Variants in PLCH1 observed in about 807,000 individuals in gnomAD.
The protein encoded by PLCH1 is phospholipase C eta 1.
PLCH1 carries 60 observed loss-of-function variants against 126.7 expected under a neutral mutation model. The observed-to-expected ratio is 0.47, with a 90% CI of 0.38 to 0.59. The LOEUF is 0.59. PLCH1 is among the 20% of genes least tolerant of loss of function. PLCH1 has a pLI of 0.00. For missense variants in PLCH1, 1,723 were observed against 2,040.0 expected (o/e 0.84, Z 2.99); for synonymous variants, 719 against 734.9 (o/e 0.98, Z 0.35).
intron 11 of PLCH1, among the ~76,000 whole-genome samples, chr3:155,521,411 T>C (rs888783843): frequency 2.0e-5 from 3 of 152,368 alleles, no homozygotes; most frequent in Admixed American, 6.5e-5. Context: ...GTTTATTGAA[T>C]GTACAAATGA....
chr3:155,649,738 G>C (rs947444996), intron 2 of PLCH1, among the ~76,000 whole-genome samples: 3 of 152,168 alleles, frequency 2.0e-5, no homozygotes, highest in Non-Finnish European at 4.4e-5. Flanking sequence ...CAGCACTTTG[G>C]GAGGCTGAGG....
At chr3:155,711,221 T>C (rs1221301774) in intron 1 of PLCH1, among the ~76,000 whole-genome samples, 1 of 152,162 alleles carries the variant, frequency 6.6e-6, no homozygotes, top group Non-Finnish European at 1.5e-5. Flanking sequence ...GGACTAAAAG[T>C]ATAGCTTAAA....
At chr3:155,532,613 T>G (rs1041267775) in intron 10 of PLCH1, among the ~76,000 whole-genome samples, 1 of 152,090 alleles carries the variant, frequency 6.6e-6, no homozygotes, top group Non-Finnish European at 1.5e-5. Context: ...TATAAAGGGC[T>G]CTTCCCACTT....
rs370499913 is a variant in PLCH1 at position 155,512,060 on chromosome 3, C to A, written c.1632+2663G>T. On this transcript the variant is annotated intron_variant, in intron 12 of 22. Coordinates refer to ENST00000460012, the MANE Select transcript of PLCH1 (RefSeq NM_014996.4). ...TGTGGGATATAGTCTCGTGGTGCGC[C>A]GTTTCTTAAGCCGGTCTGAAAAGCG... Among the ~76,000 whole-genome samples the A allele has an allele frequency of 2.7e-5, 4 of 150,276 alleles. No homozygotes were observed. The East Asian group carries it at 8.0e-4, about 30-fold the overall frequency.
At chr3:155,727,883 G>T (rs553651706) in intron 1 of PLCH1, among the ~76,000 whole-genome samples, 4 of 150,528 alleles carry the variant, frequency 2.7e-5, no homozygotes, top group African/African-American at 9.7e-5. Flanking sequence ...AAGAAAATAC[G>T]GTGATTTTGT....
chr3:155,651,722 C>G (rs1340884953), intron 2 of PLCH1, among the ~76,000 whole-genome samples: 1 of 152,180 alleles, frequency 6.6e-6, no homozygotes, highest in Non-Finnish European at 1.5e-5. Context: ...TATGAAGTTA[C>G]TTACCACCAC....
intron 21 of PLCH1, among the ~76,000 whole-genome samples, chr3:155,456,470 C>CCAAATCCTCTTTTCTGCT (rs1186349248): frequency 6.6e-6 from 1 of 152,158 alleles, no homozygotes; most frequent in Non-Finnish European, 1.5e-5. Context: ...ACAAAGGTGC[C>CCAAATCCTCTTTTCTGCT]CAAATCCTCT....
At chr3:155,672,042 A>G (rs1449525976) in intron 2 of PLCH1, among the ~76,000 whole-genome samples, 5 of 152,216 alleles carry the variant, frequency 3.3e-5, no homozygotes, top group Admixed American at 2.0e-4. Context: ...CATAAAAATA[A>G]ACCTACCAGG....
At chr3:155,604,479 C>T (rs567024612) in intron 2 of PLCH1, among the ~76,000 whole-genome samples, 1 of 152,040 alleles carries the variant, frequency 6.6e-6, no homozygotes, top group Non-Finnish European at 1.5e-5. Flanking sequence ...TGTTTGCGAA[C>T]GTTGCATGTA....
intron 21 of PLCH1, chr3:155,457,259 C>T (rs1712471610): frequency 6.6e-6 from 1 of 152,234 alleles, no homozygotes. Context: ...ATGGCCTCCT[C>T]CTGCCCTAGA....
chr3:155,527,187 A>T (rs1023545631), intron 10 of PLCH1, among the ~76,000 whole-genome samples: 2 of 152,206 alleles, frequency 1.3e-5, no homozygotes, highest in Non-Finnish European at 2.9e-5. Flanking sequence ...AGCTCCTCTA[A>T]GGGGATCTCT....
In PLCH1 at chr3:155,624,150, G is replaced by A. The variant is rs552015993; in HGVS notation, c.80-27772C>T. Among the ~76,000 whole-genome samples, 185 of 152,044 alleles carry A rather than the reference G, an allele frequency of 1.2e-3. 2 individuals carry two copies. Among genetic ancestry groups the A allele is most frequent in the African/African-American group, 4.1e-3 (169 of 41,514 alleles). Reference sequence around the variant, plus strand: ...CATAAACAGAACCAATGACAAAAACGACATGATTATCTCAACAGATGCAGA... The same window carrying A: ...CATAAACAGAACCAATGACAAAAACAACATGATTATCTCAACAGATGCAGA... On this transcript the variant is annotated intron_variant, in intron 2 of 22. Coordinates refer to ENST00000460012, the MANE Select transcript of PLCH1 (RefSeq NM_014996.4).
At chr3:155,483,908 A>G (rs1576789799) in intron 22 of PLCH1, among the ~76,000 whole-genome samples, 1 of 152,154 alleles carries the variant, frequency 6.6e-6, no homozygotes, top group East Asian at 1.9e-4. Context: ...CATGATATAT[A>G]AGAAAAAGAA....
At chr3:155,731,140 T>G (rs115382772) in intron 1 of PLCH1, among the ~76,000 whole-genome samples, 490 of 152,254 alleles carry the variant, frequency 3.2e-3, no homozygotes, top group African/African-American at 0.011. Context: ...GGATACAGAT[T>G]TGCTTCCATC....
intron 2 of PLCH1, among the ~76,000 whole-genome samples, chr3:155,696,467 T>C (rs1193480134): frequency 6.6e-6 from 1 of 152,174 alleles, no homozygotes; most frequent in Non-Finnish European, 1.5e-5. Context: ...CTGAATCTAC[T>C]CATGGAAAGA....
intron 6 of PLCH1, among the ~76,000 whole-genome samples, chr3:155,583,220 T>TG (rs11391555): frequency 0.49 from 74,153 of 151,280 alleles, 21,181 homozygotes; most frequent in Non-Finnish European, 0.65. Context: ...CATTTCTTTG[T>TG]GGGAAAATAG....
At chr3:155,558,752 T>G (rs1282021598) in intron 8 of PLCH1, among the ~76,000 whole-genome samples, 1 of 152,148 alleles carries the variant, frequency 6.6e-6, no homozygotes. Flanking sequence ...GGAATTTCTA[T>G]TTAATATTTT....
At chr3:155,542,243 T>C (rs1724403849) in intron 10 of PLCH1, among the ~76,000 whole-genome samples, 1 of 152,226 alleles carries the variant, frequency 6.6e-6, no homozygotes, top group Non-Finnish European at 1.5e-5. Flanking sequence ...ATCCCGCACC[T>C]GGCTCGGAGG....
At chr3:155,642,279 C>A (rs985833491) in intron 2 of PLCH1, among the ~76,000 whole-genome samples, 2 of 152,128 alleles carry the variant, frequency 1.3e-5, no homozygotes, top group African/African-American at 4.8e-5. Context: ...TTAGATGTTA[C>A]TTTAAATTAA....
Sources: gnomAD v4.1 joint callset for allele counts (sites outside exome capture counted in the v4.1 genomes callset) on GRCh38, gnomAD v4.1.1 for gene constraint, MANE v1.5 for transcripts, NCBI Gene and HGNC (gene_info 2026-07-23, HGNC 2026-07-21) for gene names.